The following HECW1 variants were observed in gnomAD, a reference collection of about 807,000 sequenced individuals.
HECW1 encodes the protein E3 ubiquitin-protein ligase HECW1.
HECW1 carries 61 observed loss-of-function variants against 182.3 expected under a neutral mutation model. The observed-to-expected ratio is 0.33, with a 90% CI of 0.27 to 0.41. The LOEUF (loss-of-function observed/expected upper bound fraction) is 0.41, where lower values mean the gene tolerates loss of function less well. Ranked by LOEUF, HECW1 falls within the 10% of genes least tolerant of loss-of-function variation. HECW1 has a pLI of 1.00. For synonymous variants in HECW1, 859 were observed against 832.6 expected (o/e 1.03, Z -0.55); for missense variants, 1,739 against 2,108.9 (o/e 0.82, Z 3.44).
At chr7:43,501,449 T>C (rs2152924459) in intron 21 of HECW1, 127 bp downstream of exon 21, 1 of 571,708 alleles carries the variant, frequency 1.7e-6, no homozygotes, top group South Asian at 2.6e-5. Flanking sequence ...TAATTGAAAA[T>C]GCACTCTATC....
intron 6 of HECW1, among the ~76,000 whole-genome samples, chr7:43,386,642 C>G (rs1017988810): frequency 2.0e-5 from 3 of 152,190 alleles, no homozygotes; most frequent in Admixed American, 1.3e-4. Context: ...TTAAACCCTT[C>G]CAGAAATTCT....
intron 8 of HECW1, among the ~76,000 whole-genome samples, chr7:43,421,526 T>A (rs1404486642): frequency 6.6e-6 from 1 of 152,212 alleles, no homozygotes; most frequent in African/African-American, 2.4e-5. Context: ...TGTTGAGCTA[T>A]GTCTAGGTGA....
At chr7:43,412,392 C>CATACATTTCCTATTT (rs1400936566) in intron 8 of HECW1, among the ~76,000 whole-genome samples, 3 of 151,484 alleles carry the variant, frequency 2.0e-5, no homozygotes, top group Non-Finnish European at 4.4e-5. Flanking sequence ...AATGCCTCCC[C>CATACATTTCCTATTT]ATACATTTCC....
At chr7:43,470,642 A>G (rs7779089) in intron 16 of HECW1, among the ~76,000 whole-genome samples, 5,021 of 152,304 alleles carry the variant, frequency 0.033, 276 homozygotes, top group African/African-American at 0.11. Flanking sequence ...AATTCTCTTT[A>G]GCAAGAAGAT....
In HECW1 at chr7:43,392,238, C is replaced by T. The variant is rs1206675538; in HGVS notation, c.556-4576C>T. On this transcript the variant is annotated intron_variant, in intron 6 of 29. Coordinates refer to ENST00000395891, the MANE Select transcript of HECW1 (RefSeq NM_015052.5). Reference sequence around the variant, plus strand: ...TAATTGTTCTATAACTAAAACAAACCTTGTCAGCATGTTTAGGGGAAATAA... The same window carrying T: ...TAATTGTTCTATAACTAAAACAAACTTTGTCAGCATGTTTAGGGGAAATAA... 2.0e-5 allele frequency among the ~76,000 whole-genome samples: 3 copies of T among 152,096 alleles called. No homozygotes were observed. The East Asian group carries it at 5.8e-4, about 29-fold the overall frequency.
chr7:43,433,803 A>G (rs772107861), intron 8 of HECW1, among the ~76,000 whole-genome samples: 3 of 152,244 alleles, frequency 2.0e-5, no homozygotes, highest in Non-Finnish European at 4.4e-5. Flanking sequence ...ACAGCTTGTG[A>G]GAAGATGAGG....
chr7:43,233,348 G>A (rs1051602310), intron 2 of HECW1, among the ~76,000 whole-genome samples: 2 of 152,170 alleles, frequency 1.3e-5, no homozygotes, highest in South Asian at 2.1e-4. Context: ...ACAGACAGTC[G>A]CATATATCCA....
At chr7:43,283,452 A>G (rs1804192629) in intron 3 of HECW1, among the ~76,000 whole-genome samples, 1 of 152,172 alleles carries the variant, frequency 6.6e-6, no homozygotes, top group African/African-American at 2.4e-5. Flanking sequence ...TAATTTTGGA[A>G]AATGTATTTA....
chr7:43,187,494 T>C (rs1419364147), intron 2 of HECW1, among the ~76,000 whole-genome samples: 1 of 152,140 alleles, frequency 6.6e-6, no homozygotes, highest in Non-Finnish European at 1.5e-5. Context: ...TTTTAATAGT[T>C]CATTATATTA....
chr7:43,434,807 A>G (rs1213119345), intron 8 of HECW1, among the ~76,000 whole-genome samples: 2 of 152,198 alleles, frequency 1.3e-5, no homozygotes, highest in Non-Finnish European at 2.9e-5. Context: ...TAAGTTTCAT[A>G]ATATATTTTG....
chr7:43,471,989 C>T (rs2078041630), intron 16 of HECW1, among the ~76,000 whole-genome samples: 1 of 152,080 alleles, frequency 6.6e-6, no homozygotes, highest in African/African-American at 2.4e-5. Flanking sequence ...GAGCACATGA[C>T]TTCTGTTATT....
chr7:43,308,897 C>T (rs1808140607), intron 3 of HECW1, among the ~76,000 whole-genome samples: 2 of 152,196 alleles, frequency 1.3e-5, no homozygotes, highest in African/African-American at 4.8e-5. Flanking sequence ...GCTGGGATTA[C>T]AGGCCTGAAC....
chr7:43,276,777 G>A (rs937767961), intron 3 of HECW1, among the ~76,000 whole-genome samples: 1 of 152,172 alleles, frequency 6.6e-6, no homozygotes, highest in African/African-American at 2.4e-5. Context: ...CCTGTCTCCT[G>A]AGGAGCAAGT....
chr7:43,466,096 A>C (rs1283972496), intron 14 of HECW1, among the ~76,000 whole-genome samples: 1 of 148,194 alleles, frequency 6.7e-6, no homozygotes, highest in Non-Finnish European at 1.5e-5. Flanking sequence ...AAGAAAGAGA[A>C]AGAAGGAAAG....
At position 43,392,556 on chromosome 7, in the gene HECW1, A is replaced by G. The variant is rs778697976; in HGVS notation, c.556-4258A>G. 5.3e-5 allele frequency among the ~76,000 whole-genome samples: 8 copies of G among 152,320 alleles called. No homozygotes were observed. In the South Asian group the frequency reaches 6.2e-4, roughly 12 times the overall value. ...AATTTAACCCAAAATTTTGGGTAAA[A>G]TGATGTTCCCAGGCAGGCACCCTTG... On this transcript the variant is annotated intron_variant, in intron 6 of 29. Transcript: ENST00000395891.
At chr7:43,487,964 A>AAAAGAG (rs1554440018) in intron 17 of HECW1, among the ~76,000 whole-genome samples, 2 of 147,208 alleles carry the variant, frequency 1.4e-5, no homozygotes, top group Non-Finnish European at 3.0e-5. Context: ...AAAAAAAAGG[A>AAAAGAG]AGAGAGAGAG....
rs1189231438 is a variant in HECW1, at chr7:43,243,985, C to T, written c.27+53C>T. Reference sequence around the variant, plus strand: ...ACCATCCATGTCATTCCATTATAAACCCACTCCACTCATAATGGAATGTGC... The same window carrying T: ...ACCATCCATGTCATTCCATTATAAATCCACTCCACTCATAATGGAATGTGC... On this transcript the variant is annotated intron_variant, in intron 3 of 29. Transcript: ENST00000395891. This position sits in a 1 kb window ranked among gnomAD's most constrained non-coding sequence, Gnocchi z 4.0. The T allele has an allele frequency of 1.5e-6, 2 of 1,364,488 alleles. No homozygotes were observed. The highest frequency in any genetic ancestry group is 2.1e-6 in the Non-Finnish European group (2 of 951,896). 84.5% of individuals were successfully genotyped at this position (1,364,488 alleles called of 1,614,324 possible).
chr7:43,479,249 G>A (rs751080760), intron 16 of HECW1, among the ~76,000 whole-genome samples: 14 of 152,226 alleles, frequency 9.2e-5, no homozygotes, highest in Admixed American at 4.6e-4. Flanking sequence ...AACGAGAGAC[G>A]GTGACAGATC....
intron 24 of HECW1, among the ~76,000 whole-genome samples, chr7:43,517,572 G>A (rs1283010799): frequency 6.6e-6 from 1 of 152,136 alleles, no homozygotes; most frequent in Non-Finnish European, 1.5e-5. Flanking sequence ...TGCTACATCT[G>A]CAGAGTCTTG....
Sources: gnomAD v4.1 joint callset for allele counts (sites outside exome capture counted in the v4.1 genomes callset) on GRCh38, gnomAD v4.1.1 for gene constraint, Gnocchi (gnomAD v3.1) non-coding constraint, MANE v1.5 for transcripts, NCBI Gene and HGNC (gene_info 2026-07-23, HGNC 2026-07-21) for gene names.